The following PKHD1 variants were observed in gnomAD, a reference collection of about 807,000 sequenced individuals.
PKHD1 encodes the protein fibrocystin.
In PKHD1, 291 loss-of-function variants were observed where a neutral mutation model predicts 412.0. The observed-to-expected ratio is 0.71, with a 90% CI of 0.64 to 0.78. PKHD1 has a LOEUF of 0.78. Among genes scored for constraint, PKHD1 ranks in the 30% least tolerant of loss-of-function variants. PKHD1 has a pLI of 0.00. For synonymous variants in PKHD1, 1,777 were observed against 1,821.5 expected (o/e 0.98, Z 0.62); for missense variants, 4,825 against 4,950.7 (o/e 0.97, Z 0.76).
intron 35 of PKHD1, among the ~76,000 whole-genome samples, chr6:51,974,941 C>A (rs987134742): frequency 1.4e-4 from 22 of 152,250 alleles, no homozygotes; most frequent in African/African-American, 5.3e-4. Context: ...GAGAGGCAGT[C>A]ATCAGCAAGC....
intron 52 of PKHD1, among the ~76,000 whole-genome samples, chr6:51,810,600 G>A (rs980171505): frequency 2.0e-5 from 3 of 152,012 alleles, no homozygotes; most frequent in Admixed American, 2.0e-4. Flanking sequence ...CTGCCCCACT[G>A]CCCTAGAAAT....
chr6:51,801,001 A>C (rs1414754966), intron 52 of PKHD1, among the ~76,000 whole-genome samples: 1 of 152,206 alleles, frequency 6.6e-6, no homozygotes, highest in East Asian at 1.9e-4. Context: ...TAAATATGTG[A>C]ACCAAAGGAA....
chr6:51,835,215 G>C (rs1357014376), intron 51 of PKHD1, among the ~76,000 whole-genome samples: 1 of 152,130 alleles, frequency 6.6e-6, no homozygotes. Context: ...ATGCCACCCT[G>C]ACTACAGATG....
At chr6:51,831,548 TTC>T (rs1348282359) in intron 51 of PKHD1, among the ~76,000 whole-genome samples, 6 of 152,318 alleles carry the variant, frequency 3.9e-5, no homozygotes, top group African/African-American at 1.2e-4. Context: ...ACTCTTTCTA[TTC>T]TCTGTTAAAT....
chr6:51,731,713 A>T (rs1163647679), intron 60 of PKHD1, among the ~76,000 whole-genome samples: 1 of 152,166 alleles, frequency 6.6e-6, no homozygotes, highest in Non-Finnish European at 1.5e-5. Context: ...TAAAAAATCA[A>T]TTCTCTTTAA....
intron 47 of PKHD1, 37 bp from the exon 48 acceptor site, chr6:51,868,146 GCA>G: frequency 6.4e-7 from 1 of 1,552,106 alleles, no homozygotes; most frequent in Non-Finnish European, 8.9e-7. Flanking sequence ...TTACACAATG[GCA>G]CAAATAGCAA....
In PKHD1 at chr6:52,025,950, A is replaced by C. The variant is rs767229742; in HGVS notation, c.3860T>G (p.Val1287Gly). The C allele has an allele frequency of 6.5e-5, 105 of 1,613,924 alleles. 1 individual carries two copies. The East Asian group carries it at 2.3e-3, about 35-fold the overall frequency. ...FFARGPSPSL[V>G]GKGFTFMYEA... is the part of the protein sequence containing the mutation. Reference sequence around the variant, plus strand: ...ATACATGAAGGTGAAGCCTTTCCCCACCAAGCTTGGTGAAGGACCACGGGC... The same window carrying C: ...ATACATGAAGGTGAAGCCTTTCCCCCCCAAGCTTGGTGAAGGACCACGGGC... Residue 1287 changes from valine to glycine, a missense_variant, in exon 32 of 67, where the codon GTG becomes GGG. Val to Gly is a moderately radical substitution (Grantham distance 109). Coordinates refer to ENST00000371117, the MANE Select transcript of PKHD1 (RefSeq NM_138694.4).
At chr6:52,047,441 C>T (rs9370094) in intron 23 of PKHD1, among the ~76,000 whole-genome samples, 68,147 of 151,958 alleles carry the variant, frequency 0.45, 17,289 homozygotes, top group Admixed American at 0.59. Flanking sequence ...TTATACAGCC[C>T]CTCTCAAGTT....
chr6:52,050,707 G>A (rs1237416272), intron 21 of PKHD1, among the ~76,000 whole-genome samples: 6 of 152,168 alleles, frequency 3.9e-5, no homozygotes, highest in African/African-American at 1.4e-4. Context: ...TGAACTCAGA[G>A]GCATACACAG....
chr6:51,765,536 C>A (rs967403010), intron 55 of PKHD1, among the ~76,000 whole-genome samples: 1 of 152,076 alleles, frequency 6.6e-6, no homozygotes, highest in African/African-American at 2.4e-5. Flanking sequence ...AGCTGGTTCC[C>A]ACCCATCCTT....
chr6:51,816,364 T>A (rs1765464888), intron 52 of PKHD1, among the ~76,000 whole-genome samples: 1 of 152,196 alleles, frequency 6.6e-6, no homozygotes. Flanking sequence ...TGCAATTGCA[T>A]GTAGATGTCT....
rs1033651299 is a variant in PKHD1 at position 51,618,767 on chromosome 6, G to C, written c.*314C>G. On this transcript the variant is annotated 3_prime_UTR_variant, in exon 67 of 67. Coordinates refer to ENST00000371117, the MANE Select transcript of PKHD1 (RefSeq NM_138694.4). Reference sequence around the variant, plus strand: ...GAATGCTTAATAATAACCCCTGCTGGTATAAGTCAGTATTACACCATTATC... The same window carrying C: ...GAATGCTTAATAATAACCCCTGCTGCTATAAGTCAGTATTACACCATTATC... 4 of 398,990 alleles carry C rather than the reference G, an allele frequency of 1.0e-5. No homozygotes were observed. Among genetic ancestry groups the C allele is most frequent in the African/African-American group, 8.2e-5 (4 of 48,618 alleles). The allele number at this position is 398,990 out of a possible 1,614,324, so 24.7% of individuals were successfully genotyped here. A position where few individuals can be genotyped will look rare whatever the true frequency, so the allele number is the denominator to read the frequency against.
At position 52,056,961 on chromosome 6, in the gene PKHD1, T is replaced by G. The variant is rs767434831; in HGVS notation, c.1531A>C (p.Arg511=). The G allele has an allele frequency of 2.5e-6, 4 of 1,613,360 alleles. No homozygotes were observed. The highest frequency in any genetic ancestry group is 3.4e-6 in the Non-Finnish European group (4 of 1,179,308). ...TCCCAAGTAAGGAAGAAGTTTCCTC[T>G]GCCTGATACATTCAGCACCTAAAAA... ...PEVQVLNVSG[R]GNFFLTWDNV... Residue 511 remains arginine, a synonymous_variant, in exon 17 of 67, where the codon AGA becomes CGA. Coordinates refer to ENST00000371117, the MANE Select transcript of PKHD1 (RefSeq NM_138694.4).
chr6:51,982,196 G>GCC (rs1252434156), intron 35 of PKHD1, among the ~76,000 whole-genome samples: 5 of 32,596 alleles, frequency 1.5e-4, no homozygotes, highest in Admixed American at 4.2e-4. Context: ...GGGGGGGTCA[G>GCC]CCCCCCGCCC....
chr6:51,747,026 T>C, intron 58 of PKHD1, 137 bp from the exon 59 acceptor site: 1 of 608,834 alleles, frequency 1.6e-6, no homozygotes, highest in South Asian at 2.2e-5. Context: ...CCTTAGGAGT[T>C]TACATACATC....
chr6:51,972,567 C>T lies in PKHD1; in HGVS notation c.5752-12541G>A, dbSNP rs141307085. Among the ~76,000 whole-genome samples the T allele has an allele frequency of 5.4e-3, 818 of 152,278 alleles. 6 individuals are homozygous for T. The highest frequency in any genetic ancestry group is 0.019 in the African/African-American group (787 of 41,556). ...ATCTGATGCAGATGCTTTCCTTGTA[C>T]GTGCAGATTTTGTAGAATAAAACCA... On this transcript the variant is annotated intron_variant, in intron 35 of 66. Transcript: ENST00000371117.
rs111228383 is a variant in PKHD1 at position 51,807,966 on chromosome 6, G to A, written c.8303-16593C>T. Among the ~76,000 whole-genome samples, 314 of 151,996 alleles carry A rather than the reference G, an allele frequency of 2.1e-3. 2 individuals carry two copies. Among genetic ancestry groups the A allele is most frequent in the African/African-American group, 7.0e-3 (290 of 41,466 alleles). ...AAGGGGTATGGGGTTTCTTTGGGGG[G>A]TAATCAAATGTTCCAAAATTAATTA... On this transcript the variant is annotated intron_variant, in intron 52 of 66. Coordinates refer to ENST00000371117, the MANE Select transcript of PKHD1 (RefSeq NM_138694.4).
Position 51,619,535 on chromosome 6 carries a change from A to G in PKHD1, c.11786-15T>C. ...CATTCTCATATCTGGGGGGAAAAGA[A>G]ATAGGGGAAGAAATGGATTTAGTTT... On this transcript the variant is annotated splice_polypyrimidine_tract_variant and intron_variant, in intron 66 of 66. Coordinates refer to ENST00000371117, the MANE Select transcript of PKHD1 (RefSeq NM_138694.4). The G allele has an allele frequency of 6.2e-7, 1 of 1,605,724 alleles. No homozygotes were observed.
Position 51,864,311 on chromosome 6 carries a change from G to A in PKHD1, c.7733+3552C>T, listed in dbSNP as rs75422050. Among the ~76,000 whole-genome samples the A allele has an allele frequency of 5.3e-4, 81 of 152,272 alleles. 2 individuals are homozygous for A. In the East Asian group the frequency reaches 0.014, roughly 27 times the overall value. The stretch of plus-strand genomic sequence containing the variant: ...ACTGAGAATTCTTTAAAAGTTTCAC[G>A]CAAGGGAATGGATGGCAAGATCAGA... On this transcript the variant is annotated intron_variant, in intron 48 of 66. Transcript: ENST00000371117.
Sources: allele counts gnomAD v4.1 joint callset (sites outside exome capture counted in the v4.1 genomes callset), GRCh38; gene constraint gnomAD v4.1.1; transcripts MANE v1.5; gene names NCBI Gene and HGNC (gene_info 2026-07-23, HGNC 2026-07-21).